The following TATDN3 variants were observed in gnomAD, a reference collection of about 807,000 sequenced individuals.
TATDN3 encodes TatD DNase domain containing 3, also known as deoxyribonuclease TATDN3.
Under a neutral mutation model 40.1 loss-of-function variants are expected in TATDN3, and 29 were observed. The observed-to-expected ratio is 0.72, with a 90% CI of 0.54 to 0.99. The LOEUF is 0.99. Ranked by LOEUF, TATDN3 falls within the 50% of genes least tolerant of loss-of-function variation. The pLI is 0.00. For synonymous variants in TATDN3, 105 were observed against 117.0 expected (o/e 0.90, Z 0.66); for missense variants, 309 against 321.9 (o/e 0.96, Z 0.31).
At chr1:212,799,523 A>G (rs994380257) in intron 4 of TATDN3, among the ~76,000 whole-genome samples, 14 of 151,692 alleles carry the variant, frequency 9.2e-5, no homozygotes, top group African/African-American at 3.4e-4. Context: ...ATATGCCAAC[A>G]GTATGATAGG....
chr1:212,813,030 G>A (rs114191443), intron 9 of TATDN3, among the ~76,000 whole-genome samples: 1,707 of 152,046 alleles, frequency 0.011, 20 homozygotes, highest in Non-Finnish European at 0.018. Flanking sequence ...AAAGATTATG[G>A]TAAGTATTAC....
intron 8 of TATDN3, among the ~76,000 whole-genome samples, chr1:212,810,673 C>G (rs1348939219): frequency 2.0e-5 from 3 of 151,920 alleles, no homozygotes; most frequent in African/African-American, 7.3e-5. Context: ...AGTGACAGAG[C>G]CAGACTGTGT....
In TATDN3 at chr1:212,806,783, T is replaced by TATACAC. The variant is rs796710955; in HGVS notation, c.488-952_488-951insTACACA. Among the ~76,000 whole-genome samples the TATACAC allele has an allele frequency of 4.0e-3, 321 of 79,512 alleles. 63 individuals carry two copies. The highest frequency in any genetic ancestry group is 0.035 in the Admixed American group (191 of 5,442). 52.2% of individuals were successfully genotyped at this position (79,512 alleles called of 152,430 possible). The stretch of plus-strand genomic sequence containing the variant: ...ATATATATATATATATATATATATA[T>TATACAC]ACACACACACACACACATATATACA... On this transcript the variant is annotated intron_variant, in intron 7 of 9. Coordinates refer to ENST00000366974, the MANE Select transcript of TATDN3 (RefSeq NM_001042552.3).
intron 5 of TATDN3, among the ~76,000 whole-genome samples, chr1:212,803,900 G>C (rs1184228058): frequency 6.6e-6 from 1 of 152,034 alleles, no homozygotes; most frequent in Non-Finnish European, 1.5e-5. Flanking sequence ...GCCGGGCGTG[G>C]TAGCAGGCAC....
intron 7 of TATDN3, among the ~76,000 whole-genome samples, chr1:212,806,521 C>G (rs1662478765): frequency 6.6e-6 from 1 of 150,410 alleles, no homozygotes; most frequent in Non-Finnish European, 1.5e-5. Context: ...TGGGCACACA[C>G]CACCACACCC....
In TATDN3 at chr1:212,795,562, C is replaced by T. The variant is rs189308549; in HGVS notation, c.99+435C>T. Among the ~76,000 whole-genome samples, 10 of 152,146 alleles carry T rather than the reference C, an allele frequency of 6.6e-5. No homozygotes were observed. The East Asian group carries it at 1.5e-3, about 24-fold the overall frequency. On this transcript the variant is annotated intron_variant, in intron 2 of 9. Coordinates refer to ENST00000366974, the MANE Select transcript of TATDN3 (RefSeq NM_001042552.3). Reference sequence around the variant, plus strand: ...CTGAGATTGCAGGCGTGACCCACTACGACCAGCCAATTTTTATTATTTATA... The same window carrying T: ...CTGAGATTGCAGGCGTGACCCACTATGACCAGCCAATTTTTATTATTTATA...
chr1:212,794,424 C>T (rs7519582), intron 1 of TATDN3, among the ~76,000 whole-genome samples: 24,375 of 151,928 alleles, frequency 0.16, 2,036 homozygotes, highest in East Asian at 0.24. Flanking sequence ...AACACCATCT[C>T]TACTAAAAAT....
intron 4 of TATDN3, among the ~76,000 whole-genome samples, chr1:212,799,215 A>G (rs1662016181): frequency 6.6e-6 from 1 of 152,164 alleles, no homozygotes; most frequent in African/African-American, 2.4e-5. Flanking sequence ...GTTGGATTTT[A>G]GTTTACATGC....
At chr1:212,801,480 T>C (rs1662174665) in intron 4 of TATDN3, among the ~76,000 whole-genome samples, 1 of 152,228 alleles carries the variant, frequency 6.6e-6, no homozygotes, top group Admixed American at 6.5e-5. Context: ...ATAGTCTCAC[T>C]GTAAATCTGT....
chr1:212,806,811 T>C lies in TATDN3; in HGVS notation c.488-925T>C, dbSNP rs1376190658. Among the ~76,000 whole-genome samples, 72 of 116,720 alleles carry C rather than the reference T, an allele frequency of 6.2e-4. 9 individuals carry two copies. Among genetic ancestry groups the C allele is most frequent in the Non-Finnish European group, 1.1e-3 (61 of 55,778 alleles). The allele number at this position is 116,720 out of a possible 152,430, so 76.6% of individuals were successfully genotyped here. A position where few individuals can be genotyped will look rare whatever the true frequency, so the allele number is the denominator to read the frequency against. On this transcript the variant is annotated intron_variant, in intron 7 of 9. Coordinates refer to ENST00000366974, the MANE Select transcript of TATDN3 (RefSeq NM_001042552.3). ...ACACACACACACACATATATACACATATATACACATATATACATATATATA... is the reference window on the plus strand; with the variant it reads ...ACACACACACACACATATATACACACATATACACATATATACATATATATA...
intron 8 of TATDN3, among the ~76,000 whole-genome samples, chr1:212,810,469 G>A (rs570012909): frequency 1.1e-4 from 14 of 129,912 alleles, no homozygotes; most frequent in African/African-American, 3.1e-4. Flanking sequence ...CCGAGATCGC[G>A]CCACTGCACG....
Position 212,791,990 on chromosome 1 carries a change from A to G in TATDN3, c.66+3A>G. The G allele has an allele frequency of 1.9e-6, 3 of 1,613,928 alleles. No individual in the cohort carries two copies. Among genetic ancestry groups the G allele is most frequent in the Non-Finnish European group, 2.5e-6 (3 of 1,179,918 alleles). On this transcript the variant is annotated splice_donor_region_variant and intron_variant, in intron 1 of 9. Coordinates refer to ENST00000366974, the MANE Select transcript of TATDN3 (RefSeq NM_001042552.3). ...TCTCCGCCCCGGACTTTGACCGCGT[A>G]TGTGAGGGCGATACGGGACCAGAGG...
intron 6 of TATDN3, 57 bp downstream of exon 6, chr1:212,804,486 A>G: frequency 1.9e-6 from 3 of 1,558,844 alleles, no homozygotes; most frequent in Non-Finnish European, 1.8e-6. Context: ...TAATGATCAG[A>G]GTTCTCCTGA....
chr1:212,797,268 T>C (rs757031527), intron 4 of TATDN3, 72 bp downstream of exon 4: 28 of 1,082,828 alleles, frequency 2.6e-5, no homozygotes, highest in Non-Finnish European at 3.9e-5. Flanking sequence ...GTAATCCTCC[T>C]CTTTCTAATT....
rs371534220 is a variant in TATDN3, at chr1:212,795,146, T to C, written c.99+19T>C. On this transcript the variant is annotated intron_variant, in intron 2 of 9. Transcript: ENST00000366974. ...CAAGAAGGTAAGTCAATATTTGTAA[T>C]TGCTCTTTTGGTTTTTTATTTTAAC... 208 of 1,605,560 alleles carry C rather than the reference T, an allele frequency of 1.3e-4. 1 individual carries two copies. Among genetic ancestry groups the C allele is most frequent in the Middle Eastern group, 1.2e-3 (7 of 5,936 alleles).
At chr1:212,813,109 TTTC>T (rs1276054834) in intron 9 of TATDN3, among the ~76,000 whole-genome samples, 2 of 152,228 alleles carry the variant, frequency 1.3e-5, no homozygotes, top group African/African-American at 4.8e-5. Flanking sequence ...AGTGTTCATT[TTTC>T]TTCTTTTAAT....
At chr1:212,799,313 G>GA (rs1219475186) in intron 4 of TATDN3, among the ~76,000 whole-genome samples, 3 of 151,594 alleles carry the variant, frequency 2.0e-5, no homozygotes, top group South Asian at 2.1e-4. Context: ...GTTTGGTGAA[G>GA]AAAAAAAACC....
chr1:212,810,466 C>G (rs1317327004), intron 8 of TATDN3, among the ~76,000 whole-genome samples: 2 of 143,402 alleles, frequency 1.4e-5, no homozygotes, highest in Admixed American at 1.5e-4. Context: ...GAGCCGAGAT[C>G]GCGCCACTGC....
intron 8 of TATDN3, among the ~76,000 whole-genome samples, chr1:212,808,490 A>G (rs1662677609): frequency 6.6e-6 from 1 of 152,164 alleles, no homozygotes; most frequent in South Asian, 2.1e-4. Flanking sequence ...TTTAAGACTT[A>G]TAATTCAAAG....
Sources: allele counts gnomAD v4.1 joint callset (sites outside exome capture counted in the v4.1 genomes callset), GRCh38; gene constraint gnomAD v4.1.1; transcripts MANE v1.5; gene names NCBI Gene and HGNC (gene_info 2026-07-23, HGNC 2026-07-21).